Variants in BEGAIN observed in about 807,000 individuals in gnomAD.
BEGAIN encodes the protein brain enriched guanylate kinase associated.
BEGAIN carries 19 observed loss-of-function variants against 35.8 expected under a neutral mutation model. That is an observed-to-expected ratio of 0.53 (90% confidence interval 0.37 to 0.78). The LOEUF (loss-of-function observed/expected upper bound fraction) is 0.78. Ranked by LOEUF, BEGAIN falls within the 30% of genes least tolerant of loss-of-function variation. The pLI is 0.00. For synonymous variants in BEGAIN, 462 were observed against 388.6 expected, an observed-to-expected ratio of 1.19 and a Z score of -2.22; for missense variants, 795 against 853.6, an observed-to-expected ratio of 0.93 and a Z score of 0.85.
At chr14:100,561,083 G>A (rs1239940049) in intron 2 of BEGAIN, among the ~76,000 whole-genome samples, 1 of 152,188 alleles carries the variant, frequency 6.6e-6, no homozygotes, top group Non-Finnish European at 1.5e-5. Context: ...ATGGAGCCCT[G>A]AGAAACAGGC....
intron 2 of BEGAIN, among the ~76,000 whole-genome samples, chr14:100,559,465 C>T (rs927029152): frequency 1.3e-5 from 2 of 152,228 alleles, no homozygotes; most frequent in African/African-American, 4.8e-5. Flanking sequence ...CCCAAATTAA[C>T]CTTTCAGCGC....
intron 3 of BEGAIN, 101 bp downstream of exon 3, chr14:100,546,400 T>TCGCCC (rs1358724340): frequency 4.7e-5 from 1 of 21,438 alleles, no homozygotes; most frequent in Non-Finnish European, 7.5e-5. Flanking sequence ...GCCCCGGCCC[T>TCGCCC]CGCCCCGCCC....
intron 1 of BEGAIN, among the ~76,000 whole-genome samples, chr14:100,581,072 T>A (rs2035306543): frequency 6.6e-6 from 1 of 152,004 alleles, no homozygotes; most frequent in Non-Finnish European, 1.5e-5. Flanking sequence ...AGATCCAAGT[T>A]CAAATCCCTT....
intron 2 of BEGAIN, among the ~76,000 whole-genome samples, chr14:100,550,053 G>T (rs905373770): frequency 6.6e-6 from 1 of 152,222 alleles, no homozygotes; most frequent in Non-Finnish European, 1.5e-5. Context: ...GTGTGTGCAC[G>T]TGTGCGTGTG....
intron 1 of BEGAIN, chr14:100,577,929 C>G (rs1436293591): frequency 2.5e-6 from 1 of 399,108 alleles, no homozygotes; most frequent in Non-Finnish European, 4.4e-6. Context: ...AGCCCCGTGC[C>G]TGGGAGCTGG....
chr14:100,568,843 C>T lies in BEGAIN; in HGVS notation c.43-904G>A. 1.0e-6 allele frequency: 1 copy of T among 986,012 alleles called. No individual in the cohort carries two copies. Among genetic ancestry groups the T allele is most frequent in the Non-Finnish European group, 1.2e-6 (1 of 830,444 alleles). 61.1% of individuals were successfully genotyped at this position (986,012 alleles called of 1,614,324 possible). ...CCGGGGCTTTGCCCGTCTTTCTGTG[C>T]CGTGACTGGCACTCAAGGGGGACAG... is the stretch of plus-strand genomic sequence containing the variant. On this transcript the variant is annotated intron_variant, in intron 1 of 6. Transcript: ENST00000554140. This position sits in a 1 kb window ranked among gnomAD's most constrained non-coding sequence, Gnocchi z 7.5.
chr14:100,551,145 C>T (rs567055816), intron 2 of BEGAIN, among the ~76,000 whole-genome samples: 2 of 152,248 alleles, frequency 1.3e-5, no homozygotes, highest in East Asian at 1.9e-4. Flanking sequence ...GTCCACTTCA[C>T]CCTGCCCCGG....
intron 4 of BEGAIN, among the ~76,000 whole-genome samples, chr14:100,544,522 G>A (rs111572378): frequency 0.032 from 4,854 of 152,200 alleles, 240 homozygotes; most frequent in African/African-American, 0.11. Flanking sequence ...GCCCCTCTTC[G>A]ACATGTCCCA....
In BEGAIN at chr14:100,538,148, G is replaced by T; in HGVS notation, c.1660C>A (p.Pro554Thr). ...TCCCTGGAACCCTGCTCGGGCTCAG[G>T]GCTGCTGGCGGTCCCACACAGCTGC... is the stretch of plus-strand genomic sequence containing the variant. ...GVQLCGTASS[P>T]EPEQGSRDSL... The change falls in exon 7 of 7, where the codon CCT becomes ACT. Residue 554 changes from proline (P) to threonine (T), a missense_variant. By Grantham distance (38) the Pro-to-Thr change is conservative. Transcript: ENST00000554140. 1 of 1,535,924 alleles carries T rather than the reference G, an allele frequency of 6.5e-7. No homozygotes were observed.
In BEGAIN at chr14:100,563,427, T is replaced by C. The variant is rs1489173430; in HGVS notation, c.71+4484A>G. ...AATTAAAATTAAGAACTTTTGTTCA[T>C]AGAAGGACCGTGTGAACAGCGAGAC... On this transcript the variant is annotated intron_variant, in intron 2 of 6. Transcript: ENST00000554140. This position sits in a 1 kb window ranked among gnomAD's most constrained non-coding sequence, Gnocchi z 4.2. Among the ~76,000 whole-genome samples the C allele has an allele frequency of 6.6e-6, 1 of 152,228 alleles. No individual in the cohort carries two copies. The highest frequency in any genetic ancestry group is 2.4e-5 in the African/African-American group (1 of 41,450).
intron 1 of BEGAIN, among the ~76,000 whole-genome samples, chr14:100,583,103 C>T (rs890656746): frequency 9.2e-5 from 14 of 151,700 alleles, no homozygotes; most frequent in African/African-American, 3.1e-4. Flanking sequence ...CTGATGGGCA[C>T]TCATCTGTTC....
Position 100,537,322 on chromosome 14 carries a change from G to A in BEGAIN, c.*647C>T, listed in dbSNP as rs574024285. The A allele has an allele frequency of 1.3e-5, 2 of 152,804 alleles. No homozygotes were observed. Among genetic ancestry groups the A allele is most frequent in the African/African-American group, 4.8e-5 (2 of 41,598 alleles). The allele number at this position is 152,804 out of a possible 1,614,324, so 9.5% of individuals were successfully genotyped here. Reference sequence around the variant, plus strand: ...GACCCGGGGGCGGAGATGAGCACCGGCCGCACTGGGGCATCATCCCGGCCC... The same window carrying A: ...GACCCGGGGGCGGAGATGAGCACCGACCGCACTGGGGCATCATCCCGGCCC... On this transcript the variant is annotated 3_prime_UTR_variant, in exon 7 of 7. Transcript: ENST00000554140.
At chr14:100,564,700 G>A (rs974564579) in intron 2 of BEGAIN, among the ~76,000 whole-genome samples, 4 of 152,152 alleles carry the variant, frequency 2.6e-5, no homozygotes, top group Admixed American at 1.3e-4. Flanking sequence ...GTGGCCCCCC[G>A]GCCTGTGGGA....
At chr14:100,577,280 G>A in intron 1 of BEGAIN, 1 of 398,820 alleles carries the variant, frequency 2.5e-6, no homozygotes, top group Non-Finnish European at 4.4e-6. Context: ...GGCACATGGG[G>A]AGGGAAGAGA....
intron 2 of BEGAIN, 156 bp from the exon 3 acceptor site, chr14:100,546,818 A>C: frequency 7.1e-6 from 4 of 565,686 alleles, no homozygotes; most frequent in Non-Finnish European, 1.1e-5. Context: ...ACACACTCAC[A>C]CACACCCAGC....
At chr14:100,583,556 A>C (rs2035365514) in intron 1 of BEGAIN, among the ~76,000 whole-genome samples, 1 of 151,560 alleles carries the variant, frequency 6.6e-6, no homozygotes, top group African/African-American at 2.4e-5. Context: ...CAACTTTTCC[A>C]TCTGTCCACC....
At chr14:100,582,333 T>C (rs1384149520) in intron 1 of BEGAIN, among the ~76,000 whole-genome samples, 2 of 152,110 alleles carry the variant, frequency 1.3e-5, no homozygotes, top group African/African-American at 2.4e-5. Context: ...TTAGTAGAGA[T>C]GGGGTTTCTC....
Position 100,563,033 on chromosome 14 carries a change from G to T in BEGAIN, c.71+4878C>A, listed in dbSNP as rs1026460927. 1.3e-5 allele frequency among the ~76,000 whole-genome samples: 2 copies of T among 152,200 alleles called. No homozygotes were observed. The highest frequency in any genetic ancestry group is 4.8e-5 in the African/African-American group (2 of 41,450). ...TGGGTGGGAGAGGGTGCCCTTTGAGGGGGGGCGTGGAGGGGCAGGGCAGGA... is the reference window on the plus strand; with the variant it reads ...TGGGTGGGAGAGGGTGCCCTTTGAGTGGGGGCGTGGAGGGGCAGGGCAGGA... On this transcript the variant is annotated intron_variant, in intron 2 of 6. Coordinates refer to ENST00000554140, the MANE Select transcript of BEGAIN (RefSeq NM_001385089.1). This position sits in a 1 kb window ranked among gnomAD's most constrained non-coding sequence, Gnocchi z 4.2.
chr14:100,580,540 C>G (rs1425707819), intron 1 of BEGAIN, among the ~76,000 whole-genome samples: 1 of 152,154 alleles, frequency 6.6e-6, no homozygotes, highest in African/African-American at 2.4e-5. Context: ...CAGAAACACT[C>G]TCACTCTCTC....
Sources: allele counts gnomAD v4.1 joint callset (sites outside exome capture counted in the v4.1 genomes callset), GRCh38; gene constraint gnomAD v4.1.1; non-coding constraint Gnocchi (gnomAD v3.1); transcripts MANE v1.5; gene names NCBI Gene and HGNC (gene_info 2026-07-23, HGNC 2026-07-21).